The following DLG2 variants were observed in gnomAD, a reference collection of about 807,000 sequenced individuals.
DLG2 encodes discs large MAGUK scaffold protein 2, also known as disks large homolog 2.
DLG2 carries 45 observed loss-of-function variants against 132.5 expected under a neutral mutation model. The ratio of observed to expected loss-of-function variants is 0.34; its 90% confidence interval spans 0.27 to 0.44. The LOEUF (loss-of-function observed/expected upper bound fraction) is 0.44, where lower values mean the gene tolerates loss of function less well. Among genes scored for constraint, DLG2 ranks in the 20% least tolerant of loss-of-function variants. DLG2 has a pLI of 1.00. For synonymous variants in DLG2, 424 were observed against 419.6 expected (o/e 1.01, Z -0.13); for missense variants, 1,045 against 1,196.9 (o/e 0.87, Z 1.87).
rs112665187 is a variant in DLG2, at chr11:83,709,231, C to CTG, written c.1826-75908_1826-75907dup. ...AGCATGCCTAGGACAAAATTTTACA[C>CTG]TGTGTGTGTGTGTGTGTGTATATGT... On this transcript the variant is annotated intron_variant, in intron 18 of 27. Coordinates refer to ENST00000376104, the MANE Select transcript of DLG2 (RefSeq NM_001142699.3). Among the ~76,000 whole-genome samples the CTG allele has an allele frequency of 7.1e-3, 1,040 of 147,208 alleles. 13 individuals are homozygous for CTG. The highest frequency in any genetic ancestry group is 0.02 in the African/African-American group (813 of 40,082).
chr11:85,013,863 T>C (rs1281235448), intron 6 of DLG2, among the ~76,000 whole-genome samples: 4 of 152,208 alleles, frequency 2.6e-5, no homozygotes, highest in African/African-American at 9.6e-5. Context: ...AATGGTTATT[T>C]TTTTAAGGTG....
At chr11:85,061,256 T>G (rs686466) in intron 6 of DLG2, among the ~76,000 whole-genome samples, 1 of 151,902 alleles carries the variant, frequency 6.6e-6, no homozygotes, top group Non-Finnish European at 1.5e-5. Flanking sequence ...TTTTTGTTTT[T>G]GTAGCCTGTG....
chr11:84,200,524 A>C (rs1478660415), intron 8 of DLG2, among the ~76,000 whole-genome samples: 1 of 152,110 alleles, frequency 6.6e-6, no homozygotes, highest in Non-Finnish European at 1.5e-5. Context: ...TAATTTTATA[A>C]ATTGCTTTGG....
At chr11:84,246,511 T>G (rs377551354) in intron 8 of DLG2, among the ~76,000 whole-genome samples, 1 of 152,172 alleles carries the variant, frequency 6.6e-6, no homozygotes, top group South Asian at 2.1e-4. Flanking sequence ...CCTAAAGTGT[T>G]TCCTTTAAGG....
At chr11:85,461,873 G>A (rs1050468337) in intron 3 of DLG2, among the ~76,000 whole-genome samples, 3 of 152,122 alleles carry the variant, frequency 2.0e-5, no homozygotes, top group African/African-American at 4.8e-5. Context: ...GCAACCTACA[G>A]AATGGGAGAA....
At chr11:85,101,471 T>C (rs987585923) in intron 6 of DLG2, among the ~76,000 whole-genome samples, 2 of 152,130 alleles carry the variant, frequency 1.3e-5, no homozygotes, top group East Asian at 1.9e-4. Context: ...GTTTATGCTA[T>C]ATAATTAAGG....
chr11:85,487,995 A>G (rs778373997), intron 3 of DLG2, among the ~76,000 whole-genome samples: 5 of 152,186 alleles, frequency 3.3e-5, no homozygotes, highest in Non-Finnish European at 7.3e-5. Context: ...GTTTCCCCAT[A>G]CTGCTCTTGT....
intron 8 of DLG2, among the ~76,000 whole-genome samples, chr11:84,191,247 A>T (rs2096402782): frequency 6.6e-6 from 1 of 152,210 alleles, no homozygotes; most frequent in African/African-American, 2.4e-5. Context: ...TTTATATCAG[A>T]AATTTTAATT....
At chr11:85,337,301 C>G (rs1337377619) in intron 3 of DLG2, among the ~76,000 whole-genome samples, 3 of 152,006 alleles carry the variant, frequency 2.0e-5, no homozygotes, top group Non-Finnish European at 4.4e-5. Flanking sequence ...CTAGGCTGGT[C>G]TCAAACTCCT....
intron 18 of DLG2, among the ~76,000 whole-genome samples, chr11:83,705,384 TAA>T (rs2083739267): frequency 6.6e-6 from 1 of 152,214 alleles, no homozygotes; most frequent in African/African-American, 2.4e-5. Context: ...AGCTGAAGAT[TAA>T]GACTTCAAAT....
intron 3 of DLG2, among the ~76,000 whole-genome samples, chr11:85,420,237 T>A (rs943116851): frequency 2.0e-5 from 3 of 152,190 alleles, no homozygotes; most frequent in African/African-American, 7.2e-5. Flanking sequence ...CTCCAGACCA[T>A]GTTTGCCTAG....
intron 7 of DLG2, among the ~76,000 whole-genome samples, chr11:84,426,502 G>A (rs2098967068): frequency 6.6e-6 from 1 of 152,010 alleles, no homozygotes. Flanking sequence ...TAAAAATGTG[G>A]ATATAATAGT....
chr11:84,733,384 A>G (rs1376598528), intron 6 of DLG2, among the ~76,000 whole-genome samples: 3 of 152,124 alleles, frequency 2.0e-5, no homozygotes, highest in Non-Finnish European at 2.9e-5. Flanking sequence ...CATTTCTCTG[A>G]TGGCCAGTGA....
chr11:85,535,319 A>G (rs2075507664), intron 3 of DLG2, among the ~76,000 whole-genome samples: 2 of 152,140 alleles, frequency 1.3e-5, no homozygotes, highest in Non-Finnish European at 2.9e-5. Context: ...GTACCATATA[A>G]TGTTTACTTC....
chr11:85,179,014 C>G (rs1345096571), intron 4 of DLG2, among the ~76,000 whole-genome samples: 1 of 151,772 alleles, frequency 6.6e-6, no homozygotes, highest in Admixed American at 6.6e-5. Flanking sequence ...AAAAAGCTTT[C>G]TAAGAGGCAG....
chr11:85,430,210 G>C (rs2091073433), intron 3 of DLG2, among the ~76,000 whole-genome samples: 1 of 143,810 alleles, frequency 7.0e-6, no homozygotes, highest in African/African-American at 2.6e-5. Context: ...GGCCTGTTGT[G>C]GGGAGGGGGG....
Position 84,368,305 on chromosome 11 carries a change from C to G in DLG2, c.520-117014G>C, listed in dbSNP as rs142797262. ...GCTTTTTTTTCCCAGCATATCACAACTTTCTACCTCACATTCTTATAATTC... is the reference window on the plus strand; with the variant it reads ...GCTTTTTTTTCCCAGCATATCACAAGTTTCTACCTCACATTCTTATAATTC... On this transcript the variant is annotated intron_variant, in intron 7 of 27. Transcript: ENST00000376104. 9.8e-3 allele frequency among the ~76,000 whole-genome samples: 1,497 copies of G among 152,150 alleles called. 12 individuals are homozygous for G. The highest frequency in any genetic ancestry group is 0.012 in the Non-Finnish European group (834 of 67,988).
intron 6 of DLG2, among the ~76,000 whole-genome samples, chr11:84,566,224 A>G (rs1447896516): frequency 6.6e-6 from 1 of 152,070 alleles, no homozygotes; most frequent in East Asian, 1.9e-4. Context: ...CGGCATCCCA[A>G]AGTGCTGAGA....
intron 9 of DLG2, among the ~76,000 whole-genome samples, chr11:84,135,217 A>C (rs1033557347): frequency 3.3e-5 from 5 of 152,122 alleles, no homozygotes; most frequent in Admixed American, 2.0e-4. Context: ...GAGTGAATAA[A>C]TGTTGCTCAA....
Sources: allele counts gnomAD v4.1 joint callset (sites outside exome capture counted in the v4.1 genomes callset), GRCh38; gene constraint gnomAD v4.1.1; transcripts MANE v1.5; gene names NCBI Gene and HGNC (gene_info 2026-07-23, HGNC 2026-07-21).